Variants in GABPA observed in about 807,000 individuals in gnomAD.
The protein encoded by GABPA is GA-binding protein alpha chain.
GABPA carries 4 observed loss-of-function variants against 59.4 expected under a neutral mutation model. The observed-to-expected ratio is 0.07, with a 90% CI of 0.03 to 0.15. GABPA has a LOEUF of 0.15. Ranked by LOEUF, GABPA falls within the 10% of genes least tolerant of loss-of-function variation. The pLI, the probability that GABPA is intolerant of heterozygous loss-of-function variation, is 1.00. For synonymous variants in GABPA, 164 were observed against 183.1 expected, an observed-to-expected ratio of 0.90 and a Z score of 0.84; for missense variants, 251 against 543.8, an observed-to-expected ratio of 0.46 and a Z score of 5.36.
chr21:25,758,700 A>G (rs1051131769), intron 6 of GABPA, among the ~76,000 whole-genome samples: 1 of 152,180 alleles, frequency 6.6e-6, no homozygotes, highest in Non-Finnish European at 1.5e-5. Flanking sequence ...TATTAATTGA[A>G]TAGAGTCTTA....
chr21:25,751,079 T>C (rs1317246222), intron 4 of GABPA, among the ~76,000 whole-genome samples: 2 of 152,146 alleles, frequency 1.3e-5, no homozygotes, highest in African/African-American at 2.4e-5. Flanking sequence ...GAAGCAGTTA[T>C]GTAATATGAC....
At position 25,772,448 on chromosome 21, in the gene GABPA, C is replaced by G. The variant is rs1395748819; in HGVS notation, c.*3216C>G. 1 of 151,836 alleles carries G rather than the reference C, an allele frequency of 6.6e-6. No individual in the cohort carries two copies. The highest frequency in any genetic ancestry group is 1.5e-5 in the Non-Finnish European group (1 of 67,914). The allele number at this position is 151,836 out of a possible 1,614,324, so 9.4% of individuals were successfully genotyped here. On this transcript the variant is annotated 3_prime_UTR_variant, in exon 10 of 10. Coordinates refer to ENST00000400075, the MANE Select transcript of GABPA (RefSeq NM_002040.4). Reference sequence around the variant, plus strand: ...AAATAGTAAAATGAGAAAAATAAAACTATTATACAGTATGTTTCTGTGTTG... The same window carrying G: ...AAATAGTAAAATGAGAAAAATAAAAGTATTATACAGTATGTTTCTGTGTTG...
intron 9 of GABPA, 28 bp from the exon 10 acceptor site, chr21:25,768,976 T>A: frequency 6.8e-7 from 1 of 1,469,166 alleles, no homozygotes; most frequent in Non-Finnish European, 9.5e-7. Flanking sequence ...TTTTCTGAAG[T>A]CTCTAATTTT....
Position 25,770,754 on chromosome 21 carries a change from C to G in GABPA, c.*1522C>G, listed in dbSNP as rs774385643. On this transcript the variant is annotated 3_prime_UTR_variant, in exon 10 of 10. Transcript: ENST00000400075. ...ATTCTGGTAGTGGTTTGGAATGAAT[C>G]CTAAGAGGCAGGGATCTTAAGGACA... The G allele has an allele frequency of 6.6e-6, 1 of 151,938 alleles. No homozygotes were observed. The highest frequency in any genetic ancestry group is 1.5e-5 in the Non-Finnish European group (1 of 67,906). 9.4% of individuals were successfully genotyped at this position (151,938 alleles called of 1,614,324 possible). A position where few individuals can be genotyped will look rare whatever the true frequency, so the allele number is the denominator to read the frequency against.
intron 1 of GABPA, 82 bp from the exon 2 acceptor site, chr21:25,741,491 A>G: frequency 1.7e-6 from 1 of 579,504 alleles, no homozygotes; most frequent in East Asian, 3.4e-5. Flanking sequence ...TTTGCTTTTT[A>G]TTTGGATTGG....
chr21:25,740,782 A>G (rs1045586471), intron 1 of GABPA, among the ~76,000 whole-genome samples: 1 of 152,232 alleles, frequency 6.6e-6, no homozygotes, highest in Non-Finnish European at 1.5e-5. Context: ...TTGCTGTTTT[A>G]TAATATTCTT....
intron 2 of GABPA, among the ~76,000 whole-genome samples, chr21:25,743,350 T>A (rs1383081775): frequency 6.6e-6 from 1 of 152,186 alleles, no homozygotes; most frequent in Non-Finnish European, 1.5e-5. Flanking sequence ...GGGCATGAAT[T>A]TAAGAATCAT....
Position 25,769,088 on chromosome 21 carries a change from T to A in GABPA, c.1221T>A (p.Ile407=). Residue 407 remains isoleucine (I), a synonymous_variant, in exon 10 of 10, where the codon ATT becomes ATA. Coordinates refer to ENST00000400075, the MANE Select transcript of GABPA (RefSeq NM_002040.4). ...TTGTCTGTGACTTGAAGACTCTTATTGGATACAGTGCAGCGGAGTTGAACC... is the reference window on the plus strand; with the variant it reads ...TTGTCTGTGACTTGAAGACTCTTATAGGATACAGTGCAGCGGAGTTGAACC... ...YKFVCDLKTL[I]GYSAAELNRL... 1 of 1,613,538 alleles carries A rather than the reference T, an allele frequency of 6.2e-7. No homozygotes were observed. The highest frequency in any genetic ancestry group is 8.5e-7 in the Non-Finnish European group (1 of 1,179,502).
chr21:25,749,236 C>G, intron 4 of GABPA, 116 bp downstream of exon 4: 1 of 634,156 alleles, frequency 1.6e-6, no homozygotes, highest in East Asian at 2.8e-5. Context: ...GATATAATAG[C>G]CAAAATTCAT....
chr21:25,752,908 T>A (rs1421781165), intron 5 of GABPA, among the ~76,000 whole-genome samples: 1 of 152,196 alleles, frequency 6.6e-6, no homozygotes, highest in East Asian at 1.9e-4. Flanking sequence ...AGACTCCAGA[T>A]GATTTCTTTG....
intron 9 of GABPA, among the ~76,000 whole-genome samples, chr21:25,767,804 T>C (rs2035928152): frequency 2.0e-5 from 3 of 152,104 alleles, no homozygotes; most frequent in African/African-American, 7.2e-5. Flanking sequence ...GTGTTATATC[T>C]CTTACTGGGA....
At chr21:25,741,991 C>T (rs1168765709) in intron 2 of GABPA, among the ~76,000 whole-genome samples, 1 of 152,128 alleles carries the variant, frequency 6.6e-6, no homozygotes, top group Non-Finnish European at 1.5e-5. Context: ...TTAATTCAAC[C>T]TGAACTCATT....
In GABPA at chr21:25,735,147, C is replaced by T. The variant is rs915895350; in HGVS notation, c.-458C>T. 3.0e-6 allele frequency: 2 copies of T among 656,510 alleles called. No homozygotes were observed. The allele number at this position is 656,510 out of a possible 1,614,324, so 40.7% of individuals were successfully genotyped here. ...AATTTGACCCGTTCTTTTTCCCCTC[C>T]TTGAAACCTTGCTCTGTACGCATGC... On this transcript the variant is annotated 5_prime_UTR_variant, in exon 1 of 10. Transcript: ENST00000400075.
chr21:25,755,756 C>T (rs1161251770), intron 5 of GABPA, among the ~76,000 whole-genome samples: 3 of 152,158 alleles, frequency 2.0e-5, no homozygotes, highest in Non-Finnish European at 2.9e-5. Flanking sequence ...ACTGGCCCCC[C>T]AAATGAAAGA....
chr21:25,765,557 A>G (rs894936899), intron 9 of GABPA, among the ~76,000 whole-genome samples: 5 of 151,908 alleles, frequency 3.3e-5, no homozygotes, highest in Admixed American at 6.6e-5. Flanking sequence ...GCGAGTATTC[A>G]TTGTTACAGT....
intron 1 of GABPA, among the ~76,000 whole-genome samples, chr21:25,739,576 C>G (rs886711592): frequency 6.6e-6 from 1 of 152,100 alleles, no homozygotes; most frequent in African/African-American, 2.4e-5. Context: ...CACTCTGGCT[C>G]TCTCTTCCAA....
In GABPA at chr21:25,771,484, A is replaced by G. The variant is rs564862506; in HGVS notation, c.*2252A>G. On this transcript the variant is annotated 3_prime_UTR_variant, in exon 10 of 10. Transcript: ENST00000400075. ...ACCATCATTTATGCATGACATAGGT[A>G]ATGTGACTAATTTCTCCAGTTGATT... is the stretch of plus-strand genomic sequence containing the variant. 1.1e-4 allele frequency: 17 copies of G among 151,910 alleles called. No individual in the cohort carries two copies. The highest frequency in any genetic ancestry group is 1.9e-4 in the Non-Finnish European group (13 of 67,790). 9.4% of individuals were successfully genotyped at this position (151,910 alleles called of 1,614,324 possible). A position where few individuals can be genotyped will look rare whatever the true frequency, so the allele number is the denominator to read the frequency against.
At chr21:25,753,689 A>G (rs1467477454) in intron 5 of GABPA, among the ~76,000 whole-genome samples, 1 of 152,190 alleles carries the variant, frequency 6.6e-6, no homozygotes, top group Non-Finnish European at 1.5e-5. Flanking sequence ...AATTATAAGA[A>G]ATAGATATCT....
At chr21:25,740,061 AT>A (rs747626290) in intron 1 of GABPA, among the ~76,000 whole-genome samples, 41 of 152,094 alleles carry the variant, frequency 2.7e-4, no homozygotes, top group Non-Finnish European at 4.6e-4. Context: ...TGTTGTACTG[AT>A]ATACGCAATA....
Sources: gnomAD v4.1 joint callset for allele counts (sites outside exome capture counted in the v4.1 genomes callset) on GRCh38, gnomAD v4.1.1 for gene constraint, MANE v1.5 for transcripts, NCBI Gene and HGNC (gene_info 2026-07-23, HGNC 2026-07-21) for gene names.